The following SH2B2 variants were observed in gnomAD, a reference collection of about 807,000 sequenced individuals.
SH2B2 encodes the protein SH2B adapter protein 2.
A neutral mutation model predicts 35.7 loss-of-function variants in SH2B2; 37 were observed. That is an observed-to-expected ratio of 1.04 (90% CI 0.80 to 1.36). The LOEUF (loss-of-function observed/expected upper bound fraction) is 1.36. Among genes scored for constraint, SH2B2 ranks in the 40% most tolerant of loss-of-function variants. SH2B2 has a pLI of 0.00. For missense variants in SH2B2, 852 were observed against 817.7 expected, an observed-to-expected ratio of 1.04 and a Z score of -0.51; for synonymous variants, 383 against 376.4, an observed-to-expected ratio of 1.02 and a Z score of -0.20.
At position 102,308,264 on chromosome 7, in the gene SH2B2, G is replaced by A. The variant is rs369500710; in HGVS notation, c.832-551G>A. Among the ~76,000 whole-genome samples the A allele has an allele frequency of 9.2e-5, 14 of 152,352 alleles. No homozygotes were observed. The South Asian group carries it at 1.9e-3, about 20-fold the overall frequency. ...AATGGCTCCTCTCCCTCACAGGGCCGTTGGGAGGAGTTGAGCAGAATGCAG... is the reference window on the plus strand; with the variant it reads ...AATGGCTCCTCTCCCTCACAGGGCCATTGGGAGGAGTTGAGCAGAATGCAG... On this transcript the variant is annotated intron_variant, in intron 3 of 8. Coordinates refer to ENST00000444095, the MANE Select transcript of SH2B2 (RefSeq NM_001359228.2).
intron 2 of SH2B2, 107 bp downstream of exon 2, chr7:102,301,386 G>T: frequency 7.6e-7 from 1 of 1,311,416 alleles, no homozygotes; most frequent in Non-Finnish European, 1.0e-6. Context: ...GTCTAATCTG[G>T]TTGACAGGGT....
intron 2 of SH2B2, among the ~76,000 whole-genome samples, chr7:102,303,031 C>T (rs1354813021): frequency 2.0e-5 from 3 of 151,782 alleles, no homozygotes; most frequent in South Asian, 4.1e-4. Flanking sequence ...GTCAGGGGTT[C>T]GTGACCAGCC....
chr7:102,300,616 C>G lies in SH2B2; in HGVS notation c.66C>G (p.Asp22Glu), dbSNP rs1554553417. 2.6e-6 allele frequency: 4 copies of G among 1,551,146 alleles called. No individual in the cohort carries two copies. The highest frequency in any genetic ancestry group is 1.2e-5 in the South Asian group (1 of 84,322). Residue 22 changes from aspartate (D) to glutamate (E), a missense_variant, in exon 2 of 9, where the codon GAC becomes GAG. Transcript: ENST00000444095. ...APVPVPVPVPDWRQFCELHAQ... is the reference protein window; with the variant it reads ...APVPVPVPVPEWRQFCELHAQ... ...TCCCAGTCCCGGTCCCGGTCCCGGACTGGCGGCAGTTCTGCGAGCTGCATG... is the reference window on the plus strand; with the variant it reads ...TCCCAGTCCCGGTCCCGGTCCCGGAGTGGCGGCAGTTCTGCGAGCTGCATG...
intron 1 of SH2B2, among the ~76,000 whole-genome samples, chr7:102,295,638 C>T (rs1792880327): frequency 6.6e-6 from 1 of 152,154 alleles, no homozygotes; most frequent in East Asian, 1.9e-4. Context: ...ATAACTGGCA[C>T]CATGCAAGAG....
chr7:102,321,549 G>A lies in SH2B2; in HGVS notation c.1818G>A (p.Val606=), dbSNP rs1464023655. The A allele has an allele frequency of 1.2e-5, 14 of 1,147,130 alleles. No individual in the cohort carries two copies. The highest frequency in any genetic ancestry group is 4.9e-5 in the Admixed American group (1 of 20,566). The allele number at this position is 1,147,130 out of a possible 1,614,324, so 71.1% of individuals were successfully genotyped here. A position where few individuals can be genotyped will look rare whatever the true frequency, so the allele number is the denominator to read the frequency against. ...GCGCCGAGCGCCTGCTGGAGGCCGT[G>A]GCCGCCACCGCCGCCGAGGAGCCCC... ...SNSAERLLEA[V]AATAAEEPPE... Residue 606 remains valine (V), a synonymous_variant, in exon 9 of 9, where the codon GTG becomes GTA. Transcript: ENST00000444095.
At chr7:102,291,867 C>G (rs989806328) in intron 1 of SH2B2, among the ~76,000 whole-genome samples, 1 of 152,144 alleles carries the variant, frequency 6.6e-6, no homozygotes, top group African/African-American at 2.4e-5. Context: ...GGGAGTCACT[C>G]CAGGCCGGAG....
intron 4 of SH2B2, among the ~76,000 whole-genome samples, 180 bp from the exon 5 acceptor site, chr7:102,314,153 CGGT>C (rs1793728253): frequency 6.6e-6 from 1 of 152,136 alleles, no homozygotes; most frequent in African/African-American, 2.4e-5. Flanking sequence ...GTCAATCACA[CGGT>C]GGCCACAGAG....
intron 4 of SH2B2, among the ~76,000 whole-genome samples, chr7:102,311,019 A>C (rs1793601572): frequency 6.6e-6 from 1 of 152,188 alleles, no homozygotes; most frequent in African/African-American, 2.4e-5. Flanking sequence ...CTGAAGTTTC[A>C]GTGGAAAATC....
At chr7:102,306,894 C>T (rs1793423383) in intron 3 of SH2B2, 72 bp downstream of exon 3, 3 of 1,226,636 alleles carry the variant, frequency 2.4e-6, no homozygotes, top group Non-Finnish European at 3.5e-6. Flanking sequence ...TGCTACAGCT[C>T]CCTAGGGGAG....
intron 3 of SH2B2, among the ~76,000 whole-genome samples, chr7:102,308,366 A>G (rs1462848396): frequency 1.3e-5 from 2 of 152,210 alleles, no homozygotes; most frequent in Admixed American, 1.3e-4. Flanking sequence ...TCTCAAGCGC[A>G]TGGCCATGCC....
rs782742774 is a variant in SH2B2 at position 102,308,844 on chromosome 7, G to A, written c.861G>A (p.Glu287=). The change falls in exon 4 of 9, where the codon GAG becomes GAA. Residue 287 remains glutamate, a synonymous_variant. Transcript: ENST00000444095. ...KVENGAEYIL[E]TIDSLQKHSW... Reference sequence around the variant, plus strand: ...AGAATGGAGCCGAATACATCTTGGAGACCATCGACTCTCTGCAGAAGCACT... The same window carrying A: ...AGAATGGAGCCGAATACATCTTGGAAACCATCGACTCTCTGCAGAAGCACT... The A allele has an allele frequency of 6.2e-7, 1 of 1,613,668 alleles. No homozygotes were observed. The highest frequency in any genetic ancestry group is 2.2e-5 in the East Asian group (1 of 44,874).
chr7:102,285,359 C>G (rs1792402742), upstream of SH2B2: 4 of 821,778 alleles, frequency 4.9e-6, no homozygotes, highest in Non-Finnish European at 8.1e-6. Context: ...CGGGCACCCC[C>G]TCCTCCCCCT....
At chr7:102,314,046 G>A (rs1793723545) in intron 4 of SH2B2, among the ~76,000 whole-genome samples, 1 of 152,232 alleles carries the variant, frequency 6.6e-6, no homozygotes, top group South Asian at 2.1e-4. Context: ...TGAGAGACAA[G>A]TAGGCAGGAG....
Position 102,300,716 on chromosome 7 carries a change from G to T in SH2B2, c.166G>T (p.Asp56Tyr). The T allele has an allele frequency of 6.5e-7, 1 of 1,533,596 alleles. No homozygotes were observed. Among genetic ancestry groups the T allele is most frequent in the East Asian group, 2.5e-5 (1 of 40,454 alleles). The allele number at this position is 1,533,596 out of a possible 1,614,324, so 95.0% of individuals were successfully genotyped here. Residue 56 changes from aspartate to tyrosine, a missense_variant, in exon 2 of 9, where the codon GAC becomes TAC. Asp to Tyr is a radical substitution (Grantham distance 160). Around this residue, in one of 3 missense-constraint regions of SH2B2, gnomAD observed 294 missense variants for 286.6 expected, o/e 1.03. Transcript: ENST00000444095. The part of the protein sequence containing the change: ...LRDNPAYDTP[D>Y]AGASFSRHFA... ...GGACAACCCAGCTTACGACACGCCC[G>T]ACGCCGGCGCCTCCTTCTCCCGCCA...
Position 102,321,485 on chromosome 7 carries a change from C to T in SH2B2, c.1754C>T (p.Pro585Leu). 1 of 1,175,354 alleles carries T rather than the reference C, an allele frequency of 8.5e-7. No homozygotes were observed. Among genetic ancestry groups the T allele is most frequent in the Non-Finnish European group, 1.1e-6 (1 of 950,150 alleles). The allele number at this position is 1,175,354 out of a possible 1,614,324, so 72.8% of individuals were successfully genotyped here. ...SAASGPAPPR[P>L]VEGQLSARSR... ...GCGTCGGGGCCCGCCCCCCCGCGCC[C>T]CGTCGAGGGCCAGCTCAGCGCGCGG... Residue 585 changes from proline to leucine, a missense_variant, in exon 9 of 9, where the codon CCC becomes CTC. Physicochemically the swap from Pro to Leu is moderately conservative, Grantham distance 98. Coordinates refer to ENST00000444095, the MANE Select transcript of SH2B2 (RefSeq NM_001359228.2).
At chr7:102,294,728 C>G (rs898551318) in intron 1 of SH2B2, among the ~76,000 whole-genome samples, 5 of 152,166 alleles carry the variant, frequency 3.3e-5, no homozygotes, top group African/African-American at 1.2e-4. Context: ...TGCAGCCTCC[C>G]CTCTACAGAG....
At chr7:102,309,087 C>T in intron 4 of SH2B2, 181 bp downstream of exon 4, 1 of 693,644 alleles carries the variant, frequency 1.4e-6, no homozygotes, top group Non-Finnish European at 2.6e-6. Context: ...CCTCCAATCG[C>T]CAGCAGACTC....
At position 102,301,115 on chromosome 7, in the gene SH2B2, G is replaced by A; in HGVS notation, c.565G>A (p.Val189Met). 6.8e-7 allele frequency: 1 copy of A among 1,475,534 alleles called. No individual in the cohort carries two copies. 91.4% of individuals were successfully genotyped at this position (1,475,534 alleles called of 1,614,324 possible). A position where few individuals can be genotyped will look rare whatever the true frequency, so the allele number is the denominator to read the frequency against. ...LRLSRTLAAKVELVDIQREGA... is the reference protein window; with the variant it reads ...LRLSRTLAAKMELVDIQREGA... ...GCTGTCGCGGACGCTGGCTGCCAAG[G>A]TGGAGCTGGTGGACATTCAACGCGA... The change falls in exon 2 of 9, where the codon GTG becomes ATG. Residue 189 changes from valine (V) to methionine (M), a missense_variant. Transcript: ENST00000444095.
Position 102,321,472 on chromosome 7 carries a change from G to GC in SH2B2, c.1748dup (p.Arg584AlafsTer?), listed in dbSNP as rs1364524355. 41 of 1,185,226 alleles carry GC rather than the reference G, an allele frequency of 3.5e-5. No individual in the cohort carries two copies. Among genetic ancestry groups the GC allele is most frequent in the East Asian group, 1.6e-4 (4 of 25,112 alleles). 73.4% of individuals were successfully genotyped at this position (1,185,226 alleles called of 1,614,324 possible). A position where few individuals can be genotyped will look rare whatever the true frequency, so the allele number is the denominator to read the frequency against. On this transcript the variant is annotated frameshift_variant, in exon 9 of 9. Coordinates refer to ENST00000444095, the MANE Select transcript of SH2B2 (RefSeq NM_001359228.2). LOFTEE classifies it low-confidence loss of function (END_TRUNC). ...GTCGTCCTCTGCCGCGTCGGGGCCC[G>GC]CCCCCCCGCGCCCCGTCGAGGGCCA...
Sources: gnomAD v4.1 joint callset for allele counts (sites outside exome capture counted in the v4.1 genomes callset) on GRCh38, gnomAD v4.1.1 for gene constraint, gnomAD v4.1.1 regional missense constraint, MANE v1.5 for transcripts, NCBI Gene and HGNC (gene_info 2026-07-23, HGNC 2026-07-21) for gene names.